Variants in ARHGAP6 observed in about 807,000 individuals in gnomAD.
The protein encoded by ARHGAP6 is rho GTPase-activating protein 6.
In ARHGAP6, 16 loss-of-function variants were observed where a neutral mutation model predicts 55.7. The observed-to-expected ratio is 0.29, with a 90% CI of 0.19 to 0.44. The LOEUF is 0.44. ARHGAP6 is among the 20% of genes least tolerant of loss of function. ARHGAP6 has a pLI of 1.00. For synonymous variants in ARHGAP6, 382 were observed against 360.9 expected, an observed-to-expected ratio of 1.06 and a Z score of -0.66; for missense variants, 698 against 808.9, an observed-to-expected ratio of 0.86 and a Z score of 1.66.
At chrX:11,363,495 C>T (rs943896508) in intron 1 of ARHGAP6, among the ~76,000 whole-genome samples, 12 of 111,886 alleles carry the variant, frequency 1.1e-4, no homozygotes, top group Admixed American at 1.9e-4. Flanking sequence ...GTGGTCTGCG[C>T]GGTCTGCTTC....
intron 1 of ARHGAP6, among the ~76,000 whole-genome samples, chrX:11,372,196 T>C (rs182091300): frequency 6.6e-4 from 74 of 112,283 alleles, no homozygotes; most frequent in Non-Finnish European, 6.0e-4. Context: ...TATTAAAATA[T>C]CTAGATGTGT....
chrX:11,506,736 A>T (rs767815372), intron 1 of ARHGAP6, among the ~76,000 whole-genome samples: 1 of 111,418 alleles, frequency 9.0e-6, no homozygotes, highest in African/African-American at 3.3e-5. Context: ...ATGATTTATA[A>T]TCCTTTGGGT....
chrX:11,277,116 A>G (rs1374152159), intron 1 of ARHGAP6, among the ~76,000 whole-genome samples: 1 of 111,576 alleles, frequency 9.0e-6, no homozygotes, highest in Non-Finnish European at 1.9e-5. Flanking sequence ...TTTAATATAA[A>G]AGTAGAATCA....
rs749960977 is a variant in ARHGAP6 at position 11,233,314 on chromosome X, TC to T, written c.748+21233del. Among the ~76,000 whole-genome samples, 19 of 112,236 alleles carry T rather than the reference TC, an allele frequency of 1.7e-4. No individual in the cohort carries two copies. The South Asian group carries it at 5.5e-3, about 33-fold the overall frequency. ...TCACCCCGCCATTTGCCTACTTGCC[TC>T]AGTACTCACACAACAATTGCACTGA... On this transcript the variant is annotated intron_variant, in intron 2 of 12. Coordinates refer to ENST00000337414, the MANE Select transcript of ARHGAP6 (RefSeq NM_013427.3).
intron 1 of ARHGAP6, among the ~76,000 whole-genome samples, chrX:11,355,064 T>C (rs2048915751): frequency 8.9e-6 from 1 of 111,825 alleles, no homozygotes. Context: ...GCAACTTGAG[T>C]TTAATTCTGT....
At chrX:11,493,899 T>C (rs1178214733) in intron 1 of ARHGAP6, among the ~76,000 whole-genome samples, 1 of 100,893 alleles carries the variant, frequency 9.9e-6, no homozygotes, top group Non-Finnish European at 2.0e-5. Flanking sequence ...AATAGCAGGA[T>C]CATAGCTCAC....
At position 11,664,802 on chromosome X, in the gene ARHGAP6, G is replaced by A. The variant is rs1159298732; in HGVS notation, c.27C>T (p.Ser9=). ...AAGCGGGCGAGGAACAGGAGAAGAC[G>A]CTGTGGAGCAGGCTCTGCGCGGACA... MSAQSLLH[S]VFSCSSPASS... Residue 9 remains serine, a synonymous_variant, in exon 1 of 13, where the codon AGC becomes AGT. Coordinates refer to ENST00000337414, the MANE Select transcript of ARHGAP6 (RefSeq NM_013427.3). 2 of 1,199,775 alleles carry A rather than the reference G, an allele frequency of 1.7e-6. No homozygotes were observed. Among genetic ancestry groups the A allele is most frequent in the African/African-American group, 1.7e-5 (1 of 57,853 alleles).
intron 1 of ARHGAP6, among the ~76,000 whole-genome samples, chrX:11,489,549 C>T (rs1170401492): frequency 8.9e-6 from 1 of 112,366 alleles, no homozygotes; most frequent in African/African-American, 3.2e-5. Context: ...CATACTTAAA[C>T]AAATAGGTAT....
chrX:11,354,274 T>G (rs983313694), intron 1 of ARHGAP6, among the ~76,000 whole-genome samples: 13 of 78,920 alleles, frequency 1.6e-4, no homozygotes, highest in African/African-American at 6.4e-4. Context: ...GAGCTCTCTC[T>G]CTCTCTCTCT....
chrX:11,509,573 G>A (rs1471548844), intron 1 of ARHGAP6, among the ~76,000 whole-genome samples: 1 of 111,763 alleles, frequency 8.9e-6, no homozygotes, highest in African/African-American at 3.2e-5. Flanking sequence ...CACATTCTCA[G>A]TCCTCCCTGA....
chrX:11,577,706 G>A (rs924972330), intron 1 of ARHGAP6, among the ~76,000 whole-genome samples: 3 of 111,710 alleles, frequency 2.7e-5, no homozygotes, highest in Admixed American at 9.5e-5. Context: ...CAGAATGGTG[G>A]TGTTGGTTGG....
chrX:11,550,452 T>A (rs2051255238), intron 1 of ARHGAP6, among the ~76,000 whole-genome samples: 1 of 112,326 alleles, frequency 8.9e-6, no homozygotes, highest in African/African-American at 3.2e-5. Context: ...TTGGAACTTT[T>A]AAAAATCCTG....
intron 1 of ARHGAP6, among the ~76,000 whole-genome samples, chrX:11,385,415 A>G (rs2049317088): frequency 8.9e-6 from 1 of 111,940 alleles, no homozygotes; most frequent in African/African-American, 3.2e-5. Flanking sequence ...CAGTATTAAT[A>G]CTAATCAGGT....
At chrX:11,418,938 C>T (rs1014390169) in intron 1 of ARHGAP6, among the ~76,000 whole-genome samples, 1 of 112,105 alleles carries the variant, frequency 8.9e-6, no homozygotes, top group East Asian at 2.8e-4. Flanking sequence ...CACCGACCCC[C>T]CCTCCCGCCA....
At chrX:11,200,159 C>T (rs1470936365) in intron 2 of ARHGAP6, among the ~76,000 whole-genome samples, 1 of 112,703 alleles carries the variant, frequency 8.9e-6, no homozygotes, top group Non-Finnish European at 1.9e-5. Context: ...CAATACTGCA[C>T]AGAAGTGTTT....
At chrX:11,299,556 G>A (rs768967082) in intron 1 of ARHGAP6, among the ~76,000 whole-genome samples, 2 of 112,189 alleles carry the variant, frequency 1.8e-5, no homozygotes, top group Non-Finnish European at 3.8e-5. Flanking sequence ...AGATGATTAA[G>A]CTTTTAGCAA....
At chrX:11,631,871 G>T (rs747370921) in intron 1 of ARHGAP6, among the ~76,000 whole-genome samples, 11 of 111,482 alleles carry the variant, frequency 9.9e-5, no homozygotes, top group Non-Finnish European at 2.1e-4. Flanking sequence ...ATAAAATATT[G>T]TTTTGATTTT....
intron 1 of ARHGAP6, among the ~76,000 whole-genome samples, chrX:11,495,567 T>C (rs946163605): frequency 9.0e-6 from 1 of 111,607 alleles, no homozygotes; most frequent in Non-Finnish European, 1.9e-5. Context: ...GAACTGTATC[T>C]GGGTAAATGT....
intron 10 of ARHGAP6, among the ~76,000 whole-genome samples, chrX:11,147,685 A>C (rs188253693): frequency 0.023 from 2,601 of 112,933 alleles, 72 homozygotes; most frequent in African/African-American, 0.08. Flanking sequence ...GGTAAAATCT[A>C]TAAAGTTCTG....
Sources: allele counts gnomAD v4.1 joint callset (sites outside exome capture counted in the v4.1 genomes callset), GRCh38; gene constraint gnomAD v4.1.1; transcripts MANE v1.5; gene names NCBI Gene and HGNC (gene_info 2026-07-23, HGNC 2026-07-21).